KHDRBS2: variants seen among roughly 807,000 people sequenced by gnomAD.
KHDRBS2 encodes the protein KH domain-containing, RNA-binding, signal transduction-associated protein 2.
In KHDRBS2, 26 loss-of-function variants were observed where a neutral mutation model predicts 44.3. That is an observed-to-expected ratio of 0.59 (90% CI 0.43 to 0.81). The LOEUF (loss-of-function observed/expected upper bound fraction) is 0.81, where lower values mean the gene tolerates loss of function less well. Ranked by LOEUF, KHDRBS2 falls within the 40% of genes least tolerant of loss-of-function variation. KHDRBS2 has a pLI of 0.00. For synonymous variants in KHDRBS2, 194 were observed against 151.1 expected (o/e 1.28, Z -2.08); for missense variants, 476 against 433.1 (o/e 1.10, Z -0.88).
At chr6:61,893,084 C>T (rs1293623219) in intron 6 of KHDRBS2, among the ~76,000 whole-genome samples, 1 of 152,142 alleles carries the variant, frequency 6.6e-6, no homozygotes, top group Non-Finnish European at 1.5e-5. Flanking sequence ...AACAAGTGGG[C>T]AAAGGATATG....
intron 2 of KHDRBS2, among the ~76,000 whole-genome samples, chr6:62,078,202 C>A (rs1441576959): frequency 1.3e-5 from 2 of 151,988 alleles, no homozygotes; most frequent in Non-Finnish European, 2.9e-5. Context: ...AATGTAAATT[C>A]TAAGTGATTG....
chr6:61,928,807 TC>T (rs1356859351), intron 4 of KHDRBS2, among the ~76,000 whole-genome samples: 1 of 152,050 alleles, frequency 6.6e-6, no homozygotes, highest in Non-Finnish European at 1.5e-5. Flanking sequence ...TTATGATATA[TC>T]CCATATTTAT....
intron 6 of KHDRBS2, among the ~76,000 whole-genome samples, chr6:61,773,675 T>C (rs1270323653): frequency 1.3e-5 from 2 of 151,472 alleles, no homozygotes; most frequent in Non-Finnish European, 2.9e-5. Context: ...ATTTTGGCTT[T>C]TGTTGCCATT....
At chr6:61,741,800 G>T (rs1776175546) in intron 6 of KHDRBS2, among the ~76,000 whole-genome samples, 1 of 151,926 alleles carries the variant, frequency 6.6e-6, no homozygotes, top group South Asian at 2.1e-4. Flanking sequence ...GCTTCTAGAA[G>T]AAAATCATTT....
the KHDRBS2 span, among the ~76,000 whole-genome samples, chr6:61,621,589 G>A: frequency 6.6e-6 from 1 of 152,162 alleles, no homozygotes; most frequent in East Asian, 1.9e-4. Flanking sequence ...CTGGCCCACT[G>A]AAACATTGGA....
the KHDRBS2 span, among the ~76,000 whole-genome samples, chr6:61,647,034 G>T: frequency 6.6e-6 from 1 of 151,980 alleles, no homozygotes; most frequent in South Asian, 2.1e-4. Flanking sequence ...GGCCAGAGTG[G>T]TCTTGAACTC....
chr6:62,106,260 T>C (rs1458995710), intron 2 of KHDRBS2, among the ~76,000 whole-genome samples: 1 of 152,140 alleles, frequency 6.6e-6, no homozygotes, highest in Admixed American at 6.6e-5. Context: ...ATTCTGTTGA[T>C]TTGGGGTGGA....
At chr6:61,892,775 G>A (rs1388213310) in intron 6 of KHDRBS2, among the ~76,000 whole-genome samples, 2 of 152,184 alleles carry the variant, frequency 1.3e-5, no homozygotes, top group Non-Finnish European at 2.9e-5. Flanking sequence ...AGACTTAAAT[G>A]TTAGACCTAA....
At chr6:61,813,594 GGATA>G (rs1788456691) in intron 6 of KHDRBS2, among the ~76,000 whole-genome samples, 2 of 152,140 alleles carry the variant, frequency 1.3e-5, no homozygotes, top group East Asian at 1.9e-4. Flanking sequence ...GTCATTTGCA[GGATA>G]GATAGTCATG....
chr6:61,993,665 ATATATATATT>A (rs1776577302), intron 3 of KHDRBS2, among the ~76,000 whole-genome samples: 2 of 123,712 alleles, frequency 1.6e-5, no homozygotes, highest in African/African-American at 5.6e-5. Context: ...ATATATATAT[ATATATATATT>A]TTTTTTTTTT....
chr6:61,611,351 T>C, the KHDRBS2 span, among the ~76,000 whole-genome samples: 1 of 152,192 alleles, frequency 6.6e-6, no homozygotes, highest in African/African-American at 2.4e-5. Flanking sequence ...AGCATCATAG[T>C]TTTATAGAAA....
intron 2 of KHDRBS2, among the ~76,000 whole-genome samples, chr6:62,104,921 G>A (rs1300164409): frequency 6.6e-6 from 1 of 151,924 alleles, no homozygotes; most frequent in Admixed American, 6.6e-5. Flanking sequence ...GAAAAGGAAA[G>A]ATAAAAACTA....
the KHDRBS2 span, among the ~76,000 whole-genome samples, chr6:61,644,987 A>C: frequency 6.6e-6 from 1 of 152,156 alleles, no homozygotes; most frequent in African/African-American, 2.4e-5. Flanking sequence ...AAGAATAAAA[A>C]TTATTCTACC....
At chr6:61,819,947 G>A (rs1185958273) in intron 6 of KHDRBS2, among the ~76,000 whole-genome samples, 1 of 151,992 alleles carries the variant, frequency 6.6e-6, no homozygotes, top group East Asian at 1.9e-4. Flanking sequence ...ACAATAAAAA[G>A]CATTGTCAAA....
chr6:61,799,132 C>A (rs1018088097), intron 6 of KHDRBS2, among the ~76,000 whole-genome samples: 2 of 151,992 alleles, frequency 1.3e-5, no homozygotes, highest in Non-Finnish European at 2.9e-5. Context: ...TGCTGCAGTT[C>A]TTTGTCCCCA....
chr6:62,195,552 C>A (rs1242442418), intron 1 of KHDRBS2, among the ~76,000 whole-genome samples: 2 of 152,152 alleles, frequency 1.3e-5, no homozygotes, highest in East Asian at 3.9e-4. Context: ...TGTTATAAAG[C>A]ATGGCTCACT....
At chr6:61,779,424 G>C (rs1195383340) in intron 6 of KHDRBS2, among the ~76,000 whole-genome samples, 2 of 152,074 alleles carry the variant, frequency 1.3e-5, no homozygotes, top group Non-Finnish European at 2.9e-5. Context: ...GATTAAGAAA[G>C]CTGATTTTTA....
chr6:62,245,629 G>A lies in KHDRBS2; in HGVS notation c.91+40229C>T, dbSNP rs115374729. Reference sequence around the variant, plus strand: ...TAGGATAAATTATGTGCCAATGCCAGTCTGTTGAAGACAGTTTATAGGAAT... The same window carrying A: ...TAGGATAAATTATGTGCCAATGCCAATCTGTTGAAGACAGTTTATAGGAAT... On this transcript the variant is annotated intron_variant, in intron 1 of 8. Coordinates refer to ENST00000281156, the MANE Select transcript of KHDRBS2 (RefSeq NM_152688.4). Among the ~76,000 whole-genome samples the A allele has an allele frequency of 2.5e-3, 380 of 152,180 alleles. 3 individuals are homozygous for A. The highest frequency in any genetic ancestry group is 8.4e-3 in the African/African-American group (348 of 41,548).
At chr6:61,677,088 G>A (rs1238463386), downstream of KHDRBS2, among the ~76,000 whole-genome samples, 1 of 151,812 alleles carries the variant, frequency 6.6e-6, no homozygotes, top group Non-Finnish European at 1.5e-5. Context: ...TTTTTCTGCT[G>A]CGATAACCCT....
Sources: gnomAD v4.1 joint callset for allele counts (sites outside exome capture counted in the v4.1 genomes callset) on GRCh38, gnomAD v4.1.1 for gene constraint, MANE v1.5 for transcripts, NCBI Gene and HGNC (gene_info 2026-07-23, HGNC 2026-07-21) for gene names.